The following RTN4 variants were observed in gnomAD, a reference collection of about 807,000 sequenced individuals.
RTN4 encodes the protein reticulon-4.
A neutral mutation model predicts 90.4 loss-of-function variants in RTN4; 32 were observed. The ratio of observed to expected loss-of-function variants is 0.35; its 90% CI spans 0.27 to 0.48. RTN4 has a LOEUF of 0.48. Ranked by LOEUF, RTN4 falls within the 20% of genes least tolerant of loss-of-function variation. The pLI, the probability that RTN4 is intolerant of heterozygous loss-of-function variation, is 0.99. For missense variants in RTN4, 1,706 were observed against 1,430.2 expected, an observed-to-expected ratio of 1.19 and a Z score of -3.11; for synonymous variants, 629 against 552.5, an observed-to-expected ratio of 1.14 and a Z score of -1.94.
At chr2:55,062,724 A>C (rs766199782) in intron 2 of RTN4, among the ~76,000 whole-genome samples, 1 of 152,246 alleles carries the variant, frequency 6.6e-6, no homozygotes, top group Non-Finnish European at 1.5e-5. Context: ...CATGGACAGA[A>C]GTAATCTGTG....
intron 8 of RTN4, 82 bp downstream of exon 8, chr2:54,973,481 T>C (rs756949439): frequency 9.2e-7 from 1 of 1,085,478 alleles, no homozygotes; most frequent in Non-Finnish European, 1.4e-6. Flanking sequence ...TGTTACTCAT[T>C]ATGCCTGCAA....
chr2:55,137,634 A>C, the RTN4 span, among the ~76,000 whole-genome samples: 1 of 151,952 alleles, frequency 6.6e-6, no homozygotes, highest in Non-Finnish European at 1.5e-5. Context: ...GTGCCCCCTC[A>C]ACCTGTCCAG....
Position 55,049,802 on chromosome 2 carries a change from C to T in RTN4, c.499G>A (p.Ala167Thr). The T allele has an allele frequency of 6.1e-6, 7 of 1,139,044 alleles. No individual in the cohort carries two copies. In the South Asian group the frequency reaches 1.3e-4, roughly 21 times the overall value. 70.6% of individuals were successfully genotyped at this position (1,139,044 alleles called of 1,614,324 possible). The change falls in exon 1 of 9, where the codon GCC (alanine) becomes ACC (threonine). Residue 167 changes from alanine (A) to threonine (T), a missense_variant. Physicochemically the swap from Ala to Thr is moderately conservative, Grantham distance 58 (BLOSUM62 0). Transcript: ENST00000337526. The stretch of plus-strand genomic sequence containing the variant: ...GCGGCCGGGGTGGAGGGGGGCGCGG[C>T]GGGAGCCGGGGCTGGCGGGGTCCAC... ...PVWTPPAPAP[A>T]APPSTPAAPK...
intron 2 of RTN4, among the ~76,000 whole-genome samples, chr2:55,079,582 T>C (rs1248853417): frequency 6.6e-6 from 1 of 152,194 alleles, no homozygotes; most frequent in Non-Finnish European, 1.5e-5. Context: ...ACTGAAAATC[T>C]TCACTTTTTA....
chr2:55,014,155 C>T (rs1203451928), intron 3 of RTN4, among the ~76,000 whole-genome samples: 4 of 152,108 alleles, frequency 2.6e-5, no homozygotes, highest in African/African-American at 4.8e-5. Flanking sequence ...AATTACAGCA[C>T]TTCAACATTA....
intron 1 of RTN4, among the ~76,000 whole-genome samples, chr2:55,100,360 A>T (rs1573517126): frequency 1.3e-5 from 2 of 152,108 alleles, no homozygotes; most frequent in South Asian, 4.1e-4. Context: ...TTCTAATCAA[A>T]CTGGTAGAAT....
chr2:55,021,357 C>G (rs890689066), intron 3 of RTN4, among the ~76,000 whole-genome samples: 1 of 151,262 alleles, frequency 6.6e-6, no homozygotes, highest in African/African-American at 2.4e-5. Flanking sequence ...TTGCATAAAG[C>G]GCAAAACTTT....
upstream of RTN4, among the ~76,000 whole-genome samples, chr2:55,114,421 G>C (rs1299771908): frequency 6.6e-6 from 1 of 152,166 alleles, no homozygotes; most frequent in African/African-American, 2.4e-5. Context: ...ACTCCAGGCC[G>C]GGCGTGGTGG....
chr2:55,133,244 G>A, the RTN4 span, among the ~76,000 whole-genome samples: 11 of 152,110 alleles, frequency 7.2e-5, no homozygotes, highest in Non-Finnish European at 1.6e-4. Context: ...AAAATTTGTG[G>A]GTACATAGTA....
chr2:54,987,582 C>T lies in RTN4; in HGVS notation c.3130G>A (p.Ala1044Thr). The change falls in exon 4 of 9, where the codon GCC becomes ACC. Residue 1044 changes from alanine to threonine, a missense_variant. Ala to Thr is a moderately conservative substitution (Grantham distance 58). Coordinates refer to ENST00000337526, the MANE Select transcript of RTN4 (RefSeq NM_020532.5). ...FSIVSVTAYIALALLSVTISF... is the reference protein window; with the variant it reads ...FSIVSVTAYITLALLSVTISF... ...ATGGTCACAGAGAGCAGGGCCAAGGCAATGTAGGCTGTTACGCTCACAATG... is the reference window on the plus strand; with the variant it reads ...ATGGTCACAGAGAGCAGGGCCAAGGTAATGTAGGCTGTTACGCTCACAATG... 1 of 1,614,178 alleles carries T rather than the reference C, an allele frequency of 6.2e-7. No individual in the cohort carries two copies. Among genetic ancestry groups the T allele is most frequent in the Non-Finnish European group, 8.5e-7 (1 of 1,180,014 alleles).
At chr2:55,106,353 T>C (rs1667942755) in intron 1 of RTN4, among the ~76,000 whole-genome samples, 1 of 152,064 alleles carries the variant, frequency 6.6e-6, no homozygotes, top group Admixed American at 6.6e-5. Context: ...TCTGTGCATA[T>C]ATCTTCTATT....
Position 55,080,010 on chromosome 2 carries a change from T to C in RTN4, c.-63+479A>G, listed in dbSNP as rs371330575. 2.1e-4 allele frequency among the ~76,000 whole-genome samples: 32 copies of C among 152,284 alleles called. No homozygotes were observed. The East Asian group carries it at 6.2e-3, about 29-fold the overall frequency. ...CAGATATGTAAACATTTGCTAGCAT[T>C]ATCTGTGATGAATCTCTTATTTTGG... is the stretch of plus-strand genomic sequence containing the variant. On this transcript the variant is annotated intron_variant, in intron 2 of 3. Coordinates refer to the RTN4 transcript ENST00000427710.
At chr2:55,121,303 G>C in the RTN4 span, among the ~76,000 whole-genome samples, 14 of 152,176 alleles carry the variant, frequency 9.2e-5, no homozygotes, top group African/African-American at 3.4e-4. Context: ...TATTATGATA[G>C]AGGAAGCTCA....
At chr2:55,090,571 C>A (rs1249587135) in intron 1 of RTN4, among the ~76,000 whole-genome samples, 10 of 152,174 alleles carry the variant, frequency 6.6e-5, no homozygotes, top group Admixed American at 5.2e-4. Flanking sequence ...TCCCCTCTAT[C>A]CACCTGGAAG....
intron 3 of RTN4, among the ~76,000 whole-genome samples, chr2:55,022,229 CTACACCGAT>C (rs1316905525): frequency 6.6e-6 from 1 of 152,076 alleles, no homozygotes; most frequent in Non-Finnish European, 1.5e-5. Flanking sequence ...AAAGGTGTTG[CTACACCGAT>C]TACTCCTTGC....
intron 1 of RTN4, among the ~76,000 whole-genome samples, chr2:55,040,524 G>A (rs1682999755): frequency 6.6e-6 from 1 of 152,106 alleles, no homozygotes; most frequent in Admixed American, 6.5e-5. Flanking sequence ...CCATTTAGGC[G>A]AGTTTATAAA....
chr2:55,110,255 G>T (rs955379707), intron 1 of RTN4, among the ~76,000 whole-genome samples: 1 of 150,034 alleles, frequency 6.7e-6, no homozygotes, highest in Non-Finnish European at 1.5e-5. Context: ...AGGTTGCAGT[G>T]AGCCGAGTTT....
chr2:55,057,664 T>G (rs943320041), intron 2 of RTN4, among the ~76,000 whole-genome samples: 1 of 152,198 alleles, frequency 6.6e-6, no homozygotes, highest in African/African-American at 2.4e-5. Flanking sequence ...AAGAATGCGT[T>G]TGAGAAAGCG....
intron 1 of RTN4, among the ~76,000 whole-genome samples, chr2:55,042,317 T>G (rs1012321806): frequency 2.0e-5 from 3 of 152,160 alleles, no homozygotes; most frequent in Admixed American, 2.0e-4. Flanking sequence ...TGGCATGTAT[T>G]CCCAAAGAAG....
Sources: gnomAD v4.1 joint callset for allele counts (sites outside exome capture counted in the v4.1 genomes callset) on GRCh38, gnomAD v4.1.1 for gene constraint, MANE v1.5 for transcripts, NCBI Gene and HGNC (gene_info 2026-07-23, HGNC 2026-07-21) for gene names.